ADGRL4: variants seen among roughly 807,000 people sequenced by gnomAD.
ADGRL4 encodes the protein EGF, latrophilin and seven transmembrane domain containing 1.
Under a neutral mutation model 74.8 loss-of-function variants are expected in ADGRL4, and 90 were observed. The ratio of observed to expected loss-of-function variants is 1.20; its 90% CI spans 1.02 to 1.43. The LOEUF is 1.43. Ranked by LOEUF, ADGRL4 falls within the 40% of genes most tolerant of loss-of-function variation. The probability of loss-of-function intolerance (pLI) is 0.00; values close to 1 mark genes in which losing one functional copy is unlikely to be tolerated. For synonymous variants in ADGRL4, 311 were observed against 279.2 expected (o/e 1.11, Z -1.14); for missense variants, 881 against 814.3 (o/e 1.08, Z -1.00).
In ADGRL4 at chr1:78,920,351, A is replaced by G. The variant is rs769912356; in HGVS notation, c.1293T>C (p.Thr431=). 6.2e-7 allele frequency: 1 copy of G among 1,604,118 alleles called. No homozygotes were observed. Among genetic ancestry groups the G allele is most frequent in the Non-Finnish European group, 8.5e-7 (1 of 1,172,238 alleles). The part of the protein sequence containing the change: ...IKDYNILTRI[T]QLGIIISLIC... ...TCAGTGAAATAATTATTCCTAGTTG[A>G]GTGATCCTTGTAAGAATATTATAAT... The change falls in exon 10 of 15, where the codon ACT becomes ACC. Residue 431 remains threonine, a synonymous_variant. Transcript: ENST00000370742.
chr1:78,959,225 T>C (rs1305679715), intron 2 of ADGRL4, among the ~76,000 whole-genome samples: 1 of 152,304 alleles, frequency 6.6e-6, no homozygotes, highest in East Asian at 1.9e-4. Flanking sequence ...TGCCTTTATG[T>C]AATTCATTGA....
chr1:78,955,675 ATCAT>A (rs1413063325), intron 2 of ADGRL4, among the ~76,000 whole-genome samples: 2 of 151,950 alleles, frequency 1.3e-5, no homozygotes, highest in Non-Finnish European at 2.9e-5. Context: ...TTTTTGCGTA[ATCAT>A]TCATTTTTTT....
intron 2 of ADGRL4, among the ~76,000 whole-genome samples, chr1:78,963,293 AT>A (rs1199935763): frequency 6.6e-6 from 1 of 152,182 alleles, no homozygotes; most frequent in Non-Finnish European, 1.5e-5. Flanking sequence ...CTATGCATGT[AT>A]AATAGGTAAT....
chr1:78,959,964 A>G (rs1649915563), intron 2 of ADGRL4, among the ~76,000 whole-genome samples: 1 of 152,230 alleles, frequency 6.6e-6, no homozygotes, highest in Non-Finnish European at 1.5e-5. Flanking sequence ...CTAAATGCCC[A>G]ACACAAATAT....
chr1:78,944,081 T>G (rs889375941), intron 3 of ADGRL4, among the ~76,000 whole-genome samples: 1 of 152,206 alleles, frequency 6.6e-6, no homozygotes, highest in African/African-American at 2.4e-5. Context: ...TGTTTTTGTT[T>G]TCTCTGTATT....
intron 2 of ADGRL4, among the ~76,000 whole-genome samples, chr1:78,964,035 G>T (rs1457516575): frequency 6.6e-6 from 1 of 152,156 alleles, no homozygotes; most frequent in Non-Finnish European, 1.5e-5. Flanking sequence ...GCTGAACTGT[G>T]TGAAGACGAT....
intron 2 of ADGRL4, among the ~76,000 whole-genome samples, chr1:78,969,994 T>C (rs561826281): frequency 3.3e-5 from 5 of 152,118 alleles, no homozygotes; most frequent in Admixed American, 3.3e-4. Context: ...TTTCCTTTTT[T>C]GGGAAAGTAA....
intron 2 of ADGRL4, among the ~76,000 whole-genome samples, chr1:78,983,413 C>A: frequency 6.7e-6 from 1 of 150,048 alleles, no homozygotes. Context: ...TTAAAAAAGA[C>A]TCAAGAGTTT....
chr1:78,996,582 G>A (rs1036331820), intron 2 of ADGRL4, among the ~76,000 whole-genome samples: 5 of 152,006 alleles, frequency 3.3e-5, no homozygotes, highest in African/African-American at 9.7e-5. Context: ...ATTAATTTAT[G>A]TCTTTTATTT....
At chr1:78,946,217 G>A in intron 3 of ADGRL4, 57 bp downstream of exon 3, 1 of 1,459,116 alleles carries the variant, frequency 6.9e-7, no homozygotes, top group Non-Finnish European at 9.2e-7. Context: ...TTTAACCTCT[G>A]GAGGTAACAA....
chr1:78,930,614 C>T (rs979489142), intron 7 of ADGRL4, among the ~76,000 whole-genome samples: 3 of 150,878 alleles, frequency 2.0e-5, no homozygotes, highest in Non-Finnish European at 4.4e-5. Flanking sequence ...TCACACCTGG[C>T]TAATTTTTGT....
In ADGRL4 at chr1:78,891,624, T is replaced by C; in HGVS notation, c.1910A>G (p.His637Arg). 1 of 1,613,460 alleles carries C rather than the reference T, an allele frequency of 6.2e-7. No homozygotes were observed. Residue 637 changes from histidine to arginine, a missense_variant, in exon 14 of 15, where the codon CAT (histidine) becomes CGT (arginine). By Grantham distance (29) the His-to-Arg change is conservative. Coordinates refer to ENST00000370742, the MANE Select transcript of ADGRL4 (RefSeq NM_022159.4). The part of the protein sequence containing the change: ...LGTTWIFGVL[H>R]VVHASVVTAY... ...TGTAACCACTGATGCGTGCACAACA[T>C]GGAGAACCCCAAAGATCCAGGTGGT...
intron 2 of ADGRL4, among the ~76,000 whole-genome samples, chr1:79,001,000 A>AT (rs1473056491): frequency 1.3e-5 from 2 of 152,110 alleles, no homozygotes; most frequent in African/African-American, 4.8e-5. Flanking sequence ...AAACATACAT[A>AT]TAATATTCGT....
intron 4 of ADGRL4, 78 bp from the exon 5 acceptor site, chr1:78,938,357 A>C (rs1649405002): frequency 1.6e-6 from 2 of 1,237,838 alleles, no homozygotes; most frequent in African/African-American, 3.1e-5. Context: ...TTACATGTTA[A>C]ATTTACCCTG....
chr1:78,894,141 T>C (rs1648345260), intron 12 of ADGRL4, among the ~76,000 whole-genome samples: 1 of 151,942 alleles, frequency 6.6e-6, no homozygotes, highest in African/African-American at 2.4e-5. Context: ...AATTTTCAGC[T>C]AATTCTTCTA....
chr1:78,936,884 G>A (rs1649366647), intron 6 of ADGRL4, among the ~76,000 whole-genome samples: 1 of 152,138 alleles, frequency 6.6e-6, no homozygotes, highest in South Asian at 2.1e-4. Context: ...CTTTGATTTA[G>A]AGTAAACGAT....
chr1:78,903,018 TG>T (rs1218746305), intron 12 of ADGRL4, among the ~76,000 whole-genome samples: 47 of 152,152 alleles, frequency 3.1e-4, no homozygotes, highest in Admixed American at 1.4e-3. Context: ...TTGGGGTACA[TG>T]AAGAACACAT....
chr1:78,958,149 A>G (rs77162089), intron 2 of ADGRL4, among the ~76,000 whole-genome samples: 5,944 of 152,104 alleles, frequency 0.039, 153 homozygotes, highest in Middle Eastern at 0.058. Flanking sequence ...ATTACTGCTC[A>G]TTGTCAATCC....
chr1:79,000,661 G>A (rs1183648114), intron 2 of ADGRL4, among the ~76,000 whole-genome samples: 2 of 139,718 alleles, frequency 1.4e-5, no homozygotes, highest in East Asian at 4.1e-4. Flanking sequence ...AGAGAGAAAA[G>A]AGGTCATATT....
Sources: gnomAD v4.1 joint callset for allele counts (sites outside exome capture counted in the v4.1 genomes callset) on GRCh38, gnomAD v4.1.1 for gene constraint, MANE v1.5 for transcripts, NCBI Gene and HGNC (gene_info 2026-07-23, HGNC 2026-07-21) for gene names.